Variants in SLC38A12 observed in about 807,000 individuals in gnomAD.
SLC38A12 encodes putative sodium-coupled neutral amino acid transporter 12.
At chr17:74,836,691 C>A in the SLC38A12 span, 1 of 1,584,960 alleles carries the variant, frequency 6.3e-7, no homozygotes, top group Non-Finnish European at 8.6e-7. This position sits in a 1 kb window ranked among gnomAD's most constrained non-coding sequence, Gnocchi z 4.2. Flanking sequence ...GCTCTGATGG[C>A]AGGACAGGCA....
the SLC38A12 span, among the ~76,000 whole-genome samples, chr17:74,829,172 G>A: frequency 1.3e-5 from 2 of 152,114 alleles, no homozygotes; most frequent in African/African-American, 2.4e-5. The surrounding 1 kb of genome is among the most constrained non-coding windows in gnomAD (Gnocchi z 4.1). Context: ...CACCCAGGCT[G>A]GAGTGCAGTG....
chr17:74,778,928 A>G, the SLC38A12 span, among the ~76,000 whole-genome samples: 1 of 152,076 alleles, frequency 6.6e-6, no homozygotes, highest in East Asian at 1.9e-4. Context: ...TCAGCCTCCC[A>G]AAGTGCTGGG....
the SLC38A12 span, chr17:74,777,210 T>C: frequency 8.6e-7 from 1 of 1,163,788 alleles, no homozygotes; most frequent in Non-Finnish European, 1.3e-6. Context: ...GCAAGCCTCC[T>C]CCCACCCCTG....
chr17:74,822,666 A>T, the SLC38A12 span, among the ~76,000 whole-genome samples: 1 of 152,368 alleles, frequency 6.6e-6, no homozygotes, highest in South Asian at 2.1e-4. Context: ...CTCTGGGATT[A>T]AAAAGCAAAC....
At chr17:74,790,914 G>T in the SLC38A12 span, 2 of 1,592,486 alleles carry the variant, frequency 1.3e-6, no homozygotes, top group Non-Finnish European at 1.7e-6. Context: ...AGCTCTCCAC[G>T]TGAAGAACCA....
At chr17:74,816,963 A>C in the SLC38A12 span, among the ~76,000 whole-genome samples, 1 of 151,766 alleles carries the variant, frequency 6.6e-6, no homozygotes, top group African/African-American at 2.4e-5. Context: ...GCATTCAGAG[A>C]TGGACACTGC....
chr17:74,785,249 T>C, the SLC38A12 span, among the ~76,000 whole-genome samples: 1 of 152,312 alleles, frequency 6.6e-6, no homozygotes, highest in Non-Finnish European at 1.5e-5. Flanking sequence ...AGACTGAAAC[T>C]GAACCCCAGG....
At chr17:74,783,629 GC>G in the SLC38A12 span, among the ~76,000 whole-genome samples, 1 of 151,830 alleles carries the variant, frequency 6.6e-6, no homozygotes, top group Non-Finnish European at 1.5e-5. Context: ...CTGCTGGGAA[GC>G]CTGTCTTCTC....
At chr17:74,791,051 G>A in the SLC38A12 span, 5 of 1,611,574 alleles carry the variant, frequency 3.1e-6, no homozygotes, top group South Asian at 1.1e-5. Flanking sequence ...AAGTTCTTTT[G>A]GGGGTGGGGT....
chr17:74,834,574 C>G, the SLC38A12 span, among the ~76,000 whole-genome samples: 2 of 152,188 alleles, frequency 1.3e-5, no homozygotes, highest in South Asian at 4.1e-4. Context: ...TTCCAGGAGT[C>G]AGGGAGTGGG....
At chr17:74,788,699 G>T in the SLC38A12 span, 1 of 1,074,860 alleles carries the variant, frequency 9.3e-7, no homozygotes, top group Non-Finnish European at 1.4e-6. Flanking sequence ...TGGGCTGGTG[G>T]GTCTGGTCGG....
the SLC38A12 span, among the ~76,000 whole-genome samples, chr17:74,821,002 A>G: frequency 2.0e-5 from 3 of 152,230 alleles, no homozygotes; most frequent in Non-Finnish European, 4.4e-5. Context: ...GGAAGGGGCC[A>G]CAGCAGTCAG....
chr17:74,837,255 G>C, the SLC38A12 span: 37 of 985,638 alleles, frequency 3.8e-5, no homozygotes, highest in African/African-American at 5.6e-4. Flanking sequence ...AGAGGGCCTG[G>C]CTGGCCCCAT....
At chr17:74,795,643 G>A in the SLC38A12 span, 2 of 1,607,728 alleles carry the variant, frequency 1.2e-6, no homozygotes, top group African/African-American at 2.7e-5. Context: ...GTGAGTGTCT[G>A]TGCCTCTGTG....
the SLC38A12 span, among the ~76,000 whole-genome samples, chr17:74,810,573 C>A: frequency 6.6e-6 from 1 of 152,170 alleles, no homozygotes; most frequent in South Asian, 2.1e-4. Context: ...TTGGTGGGGG[C>A]AAGATTGGCA....
chr17:74,832,332 C>G, the SLC38A12 span, among the ~76,000 whole-genome samples: 1 of 152,234 alleles, frequency 6.6e-6, no homozygotes, highest in Non-Finnish European at 1.5e-5. Context: ...TCACTCTCCA[C>G]TCCCAGGGGA....
the SLC38A12 span, among the ~76,000 whole-genome samples, chr17:74,782,449 C>T: frequency 6.6e-6 from 1 of 152,170 alleles, no homozygotes; most frequent in Non-Finnish European, 1.5e-5. Flanking sequence ...TCTGGTTTAT[C>T]ATTGTATCCT....
the SLC38A12 span, among the ~76,000 whole-genome samples, chr17:74,834,294 A>G: frequency 1.3e-5 from 2 of 151,900 alleles, no homozygotes; most frequent in Non-Finnish European, 2.9e-5. Flanking sequence ...GGTTGGGACG[A>G]TTTGTGATGT....
At chr17:74,822,574 C>T in the SLC38A12 span, among the ~76,000 whole-genome samples, 1 of 152,240 alleles carries the variant, frequency 6.6e-6, no homozygotes, top group Non-Finnish European at 1.5e-5. Flanking sequence ...ATGTCAGGAG[C>T]CTCTCAGGCG....
Sources: gnomAD v4.1 joint callset for allele counts (sites outside exome capture counted in the v4.1 genomes callset) on GRCh38, gnomAD v4.1.1 for gene constraint, Gnocchi (gnomAD v3.1) non-coding constraint, MANE v1.5 for transcripts, NCBI Gene and HGNC (gene_info 2026-07-23, HGNC 2026-07-21) for gene names.